The following SEMA6D variants were observed in gnomAD, a reference collection of about 807,000 sequenced individuals.
SEMA6D encodes semaphorin 6D.
A neutral mutation model predicts 106.6 loss-of-function variants in SEMA6D; 35 were observed. The observed-to-expected ratio is 0.33, with a 90% CI of 0.25 to 0.44. The LOEUF is 0.44. SEMA6D is among the 20% of genes least tolerant of loss of function. SEMA6D has a pLI of 1.00. For missense variants in SEMA6D, 1,185 were observed against 1,345.9 expected (o/e 0.88, Z 1.87); for synonymous variants, 499 against 487.7 (o/e 1.02, Z -0.31).
chr15:47,474,796 C>A (rs2042958280), intron 3 of SEMA6D, among the ~76,000 whole-genome samples: 1 of 152,170 alleles, frequency 6.6e-6, no homozygotes, highest in Non-Finnish European at 1.5e-5. Flanking sequence ...GACACTGTGA[C>A]CAACTCTAGA....
intron 2 of SEMA6D, among the ~76,000 whole-genome samples, chr15:47,437,847 C>A (rs1048105306): frequency 2.0e-5 from 3 of 152,006 alleles, no homozygotes; most frequent in African/African-American, 7.2e-5. Flanking sequence ...CAAAAATAAC[C>A]CCTTAAAATT....
chr15:47,339,787 AG>A (rs1389361615), intron 1 of SEMA6D, among the ~76,000 whole-genome samples: 1 of 151,992 alleles, frequency 6.6e-6, no homozygotes, highest in Admixed American at 6.6e-5. Flanking sequence ...TGAACCTAGG[AG>A]GTGGAGGTTG....
chr15:47,725,433 C>T (rs1255450175), intron 1 of SEMA6D, among the ~76,000 whole-genome samples: 2 of 152,156 alleles, frequency 1.3e-5, no homozygotes, highest in Non-Finnish European at 2.9e-5. Flanking sequence ...TTTAATACTT[C>T]CTTTTGGAAA....
intron 1 of SEMA6D, among the ~76,000 whole-genome samples, chr15:47,721,991 A>G (rs1331833055): frequency 6.6e-6 from 1 of 151,968 alleles, no homozygotes; most frequent in Non-Finnish European, 1.5e-5. Flanking sequence ...TTTCTTCTAT[A>G]CCACTGGCAG....
At chr15:47,324,655 A>G (rs1001791941) in intron 1 of SEMA6D, among the ~76,000 whole-genome samples, 2 of 150,480 alleles carry the variant, frequency 1.3e-5, no homozygotes, top group Non-Finnish European at 3.0e-5. Flanking sequence ...GTACATATAT[A>G]TGTATATATA....
chr15:47,686,883 T>C (rs570568737), intron 4 of SEMA6D, among the ~76,000 whole-genome samples: 3 of 151,954 alleles, frequency 2.0e-5, no homozygotes, highest in East Asian at 3.9e-4. Flanking sequence ...CTGGGCAACA[T>C]AGCAAGACCC....
intron 1 of SEMA6D, among the ~76,000 whole-genome samples, chr15:47,363,861 G>T (rs1222571012): frequency 6.6e-6 from 1 of 152,142 alleles, no homozygotes; most frequent in African/African-American, 2.4e-5. Flanking sequence ...TAATCATGGC[G>T]GAAGGCGAAG....
intron 2 of SEMA6D, among the ~76,000 whole-genome samples, chr15:47,454,876 G>A (rs1171722848): frequency 6.6e-6 from 1 of 151,902 alleles, no homozygotes; most frequent in East Asian, 1.9e-4. Flanking sequence ...TGCAGTCAGT[G>A]TCTAAATTTG....
At chr15:47,299,544 T>C (rs1199954564) in intron 1 of SEMA6D, among the ~76,000 whole-genome samples, 1 of 152,226 alleles carries the variant, frequency 6.6e-6, no homozygotes. Context: ...AGGAGGGCTT[T>C]CAGTTAAATG....
intron 2 of SEMA6D, among the ~76,000 whole-genome samples, chr15:47,465,704 G>C (rs918515324): frequency 6.6e-6 from 1 of 152,086 alleles, no homozygotes; most frequent in East Asian, 1.9e-4. Flanking sequence ...TGTAAGATGT[G>C]CCTCCTTTCT....
chr15:47,325,406 C>G (rs2037092912), intron 1 of SEMA6D, among the ~76,000 whole-genome samples: 1 of 151,962 alleles, frequency 6.6e-6, no homozygotes, highest in Non-Finnish European at 1.5e-5. Context: ...CTCCTGACCT[C>G]AGGTGATCGC....
At chr15:47,632,803 T>C (rs2077316329) in intron 4 of SEMA6D, among the ~76,000 whole-genome samples, 1 of 151,980 alleles carries the variant, frequency 6.6e-6, no homozygotes, top group South Asian at 2.1e-4. Flanking sequence ...TGCTTAAGTG[T>C]TTCATTTTAT....
Position 47,351,545 on chromosome 15 carries a change from G to C in SEMA6D, c.-238-60848G>C, listed in dbSNP as rs559835919. ...TCAGCTAAGAGGTAATCCTTAGAGAGGGCATAACAATTATCCAAGGTCAGG... is the reference window on the plus strand; with the variant it reads ...TCAGCTAAGAGGTAATCCTTAGAGACGGCATAACAATTATCCAAGGTCAGG... On this transcript the variant is annotated intron_variant, in intron 1 of 19. Transcript: ENST00000558014. Among the ~76,000 whole-genome samples the C allele has an allele frequency of 2.6e-5, 4 of 152,228 alleles. No homozygotes were observed. The East Asian group carries it at 7.7e-4, about 29-fold the overall frequency.
At chr15:47,745,873 G>C (rs1227374928) in intron 1 of SEMA6D, among the ~76,000 whole-genome samples, 1 of 152,098 alleles carries the variant, frequency 6.6e-6, no homozygotes, top group Non-Finnish European at 1.5e-5. Flanking sequence ...TAATTATTTT[G>C]AAATAATTAT....
chr15:47,347,300 A>T (rs1187253485), intron 1 of SEMA6D, among the ~76,000 whole-genome samples: 2 of 152,232 alleles, frequency 1.3e-5, no homozygotes, highest in Non-Finnish European at 2.9e-5. Flanking sequence ...TCTAAATTAA[A>T]ATCCAAACCT....
chr15:47,654,861 C>G, intron 4 of SEMA6D, among the ~76,000 whole-genome samples: 1 of 152,222 alleles, frequency 6.6e-6, no homozygotes, highest in South Asian at 2.1e-4. Flanking sequence ...CCTGCAGAAC[C>G]ATATGCCAAT....
intron 4 of SEMA6D, among the ~76,000 whole-genome samples, chr15:47,645,006 G>GCA (rs1179566939): frequency 6.6e-6 from 1 of 152,130 alleles, no homozygotes; most frequent in Non-Finnish European, 1.5e-5. Context: ...CTCTAAAAGG[G>GCA]CACACACATC....
Position 47,749,822 on chromosome 15 carries a change from G to A in SEMA6D, c.-54-9923G>A, listed in dbSNP as rs529950724. 3.9e-4 allele frequency among the ~76,000 whole-genome samples: 59 copies of A among 152,270 alleles called. No individual in the cohort carries two copies. In the Middle Eastern group the frequency reaches 0.01, roughly 26 times the overall value. Reference sequence around the variant, plus strand: ...AGCACATCCCTAGAGACCCGGAATGGAACTGGGAAGAACCACATCCAACGG... The same window carrying A: ...AGCACATCCCTAGAGACCCGGAATGAAACTGGGAAGAACCACATCCAACGG... On this transcript the variant is annotated intron_variant, in intron 1 of 18. Transcript: ENST00000536845.
chr15:47,405,119 G>A (rs570359198), intron 1 of SEMA6D, among the ~76,000 whole-genome samples: 4 of 152,188 alleles, frequency 2.6e-5, no homozygotes, highest in East Asian at 3.9e-4. Context: ...CAGGAGATGC[G>A]CCATGTAGCA....
Sources: allele counts gnomAD v4.1 joint callset (sites outside exome capture counted in the v4.1 genomes callset), GRCh38; gene constraint gnomAD v4.1.1; transcripts MANE v1.5; gene names NCBI Gene and HGNC (gene_info 2026-07-23, HGNC 2026-07-21).